Variants in SEMA6B observed in about 807,000 individuals in gnomAD.
The protein encoded by SEMA6B is semaphorin 6B.
Under a neutral mutation model 78.6 loss-of-function variants are expected in SEMA6B, and 47 were observed. The observed-to-expected ratio is 0.60, with a 90% CI of 0.47 to 0.76. SEMA6B has a LOEUF of 0.76. SEMA6B is among the 30% of genes least tolerant of loss of function. The pLI is 0.00. For missense variants in SEMA6B, 1,213 were observed against 1,269.9 expected (o/e 0.96, Z 0.68); for synonymous variants, 632 against 592.2 (o/e 1.07, Z -0.98).
chr19:4,551,161 C>T (rs1341113652), intron 10 of SEMA6B, among the ~76,000 whole-genome samples: 1 of 151,844 alleles, frequency 6.6e-6, no homozygotes, highest in East Asian at 1.9e-4. Context: ...GCCCCCATCC[C>T]TGTTTAACTG....
chr19:4,546,342 T>C, intron 15 of SEMA6B, 50 bp downstream of exon 15: 1 of 1,595,382 alleles, frequency 6.3e-7, no homozygotes, highest in South Asian at 1.1e-5. Context: ...GGATCTGGGA[T>C]CATGGGCGGG....
intron 15 of SEMA6B, 52 bp from the exon 16 acceptor site, chr19:4,546,326 TC>T: frequency 1.2e-6 from 2 of 1,604,170 alleles, no homozygotes; most frequent in Non-Finnish European, 1.7e-6. Context: ...CAGTCAGAGA[TC>T]AGGGGGATCT....
At position 4,557,015 on chromosome 19, in the gene SEMA6B, T is replaced by G; in HGVS notation, c.307-2A>C. The G allele has an allele frequency of 1.2e-6, 2 of 1,612,848 alleles. No homozygotes were observed. Among genetic ancestry groups the G allele is most frequent in the Non-Finnish European group, 1.7e-6 (2 of 1,179,404 alleles). On this transcript the variant is annotated splice_acceptor_variant, in intron 4 of 16. Transcript: ENST00000586582. LOFTEE classifies it high-confidence loss of function. ...GGGGTTAGATCTCCAGGTCAGCTTCTGCAGACAGAGAGAGCTGGTGAGGGG... is the reference window on the plus strand; with the variant it reads ...GGGGTTAGATCTCCAGGTCAGCTTCGGCAGACAGAGAGAGCTGGTGAGGGG...
rs540853448 is a variant in SEMA6B at position 4,544,215 on chromosome 19, T to C, written c.2053A>G (p.Met685Val). The change falls in exon 17 of 17, where the codon ATG becomes GTG. Residue 685 changes from methionine to valine, a missense_variant. Met to Val is a conservative substitution (Grantham distance 21). Coordinates refer to ENST00000586582, the MANE Select transcript of SEMA6B (RefSeq NM_032108.4). This position sits in a 1 kb window ranked among gnomAD's most constrained non-coding sequence, Gnocchi z 5.1. ...VPPEALLAPLMQNGWAKATLL... is the reference protein window; with the variant it reads ...VPPEALLAPLVQNGWAKATLL... ...GTGGCCTTGGCCCAGCCGTTCTGCATCAGGGGCGCCAGCAGGGCCTCCGGG... is the reference window on the plus strand; with the variant it reads ...GTGGCCTTGGCCCAGCCGTTCTGCACCAGGGGCGCCAGCAGGGCCTCCGGG... 2,358 of 1,274,816 alleles carry C rather than the reference T, an allele frequency of 1.8e-3. 4 individuals are homozygous for C. The highest frequency in any genetic ancestry group is 2.2e-3 in the Non-Finnish European group (2,186 of 1,013,204). The allele number at this position is 1,274,816 out of a possible 1,614,324, so 79.0% of individuals were successfully genotyped here. A position where few individuals can be genotyped will look rare whatever the true frequency, so the allele number is the denominator to read the frequency against.
rs1362047331 is a variant in SEMA6B at position 4,558,600 on chromosome 19, GATA to G, written c.-32-114_-32-112del. 9 of 510,072 alleles carry G rather than the reference GATA, an allele frequency of 1.8e-5. No homozygotes were observed. Among genetic ancestry groups the G allele is most frequent in the Non-Finnish European group, 2.7e-5 (9 of 329,174 alleles). The allele number at this position is 510,072 out of a possible 1,614,324, so 31.6% of individuals were successfully genotyped here. ...AAATCCCAGAAAAATTCCTCACGGG[GATA>G]ATAATTAATAAAAACAATAATGGCA... On this transcript the variant is annotated intron_variant, in intron 1 of 16. Transcript: ENST00000586582. The surrounding 1 kb of genome is among the most constrained non-coding windows in gnomAD (Gnocchi z 5.1).
intron 12 of SEMA6B, 70 bp from the exon 13 acceptor site, chr19:4,548,515 A>G (rs917936938): frequency 7.0e-7 from 1 of 1,419,924 alleles, no homozygotes; most frequent in Non-Finnish European, 9.7e-7. Flanking sequence ...GGGCATGGCC[A>G]TAGTTACACG....
intron 14 of SEMA6B, 30 bp downstream of exon 14, chr19:4,547,997 G>A (rs749387535): frequency 8.6e-6 from 13 of 1,514,208 alleles, no homozygotes; most frequent in South Asian, 7.6e-5. Context: ...CTTGCTTCCC[G>A]CCCACGGCTG....
rs1207024149 is a variant in SEMA6B at position 4,548,094 on chromosome 19, C to A, written c.1534G>T (p.Ala512Ser). The A allele has an allele frequency of 1.9e-6, 3 of 1,591,328 alleles. No homozygotes were observed. The highest frequency in any genetic ancestry group is 1.3e-5 in the African/African-American group (1 of 74,766). ...ELDAASGGLL[A>S]AFPRCVVRVP... ...CGGACCACGCAGCGGGGGAAGGCAG[C>A]CAGCAGGCCCCCCGAAGCTGCGTCC... The change falls in exon 14 of 17, where the codon GCT becomes TCT. Residue 512 changes from alanine to serine, a missense_variant. By Grantham distance (99) the Ala-to-Ser change is moderately conservative. Transcript: ENST00000586582.
Position 4,542,620 on chromosome 19 carries a change from G to A in SEMA6B, c.*981C>T, listed in dbSNP as rs571595498. On this transcript the variant is annotated 3_prime_UTR_variant, in exon 17 of 17. Transcript: ENST00000586582. Reference sequence around the variant, plus strand: ...GTTGTAAACAGAGTTTTATTGATGGGGAGGGGGCTGGGGGAGGCAAACTCC... The same window carrying A: ...GTTGTAAACAGAGTTTTATTGATGGAGAGGGGGCTGGGGGAGGCAAACTCC... The A allele has an allele frequency of 4.7e-4, 247 of 526,468 alleles. 1 individual carries two copies. The highest frequency in any genetic ancestry group is 4.4e-3 in the African/African-American group (233 of 52,482). The allele number at this position is 526,468 out of a possible 1,614,324, so 32.6% of individuals were successfully genotyped here.
chr19:4,551,142 C>T (rs1009547605), intron 10 of SEMA6B, among the ~76,000 whole-genome samples: 1 of 152,036 alleles, frequency 6.6e-6, no homozygotes, highest in African/African-American at 2.4e-5. Flanking sequence ...CGAGGCCACC[C>T]CTGTCCAGGC....
Position 4,542,721 on chromosome 19 carries a change from G to T in SEMA6B, c.*880C>A, listed in dbSNP as rs1284896221. On this transcript the variant is annotated 3_prime_UTR_variant, in exon 17 of 17. Coordinates refer to ENST00000586582, the MANE Select transcript of SEMA6B (RefSeq NM_032108.4). Reference sequence around the variant, plus strand: ...GGTCAGAGGGGGGAGGTCACAAGGGGACGGGTGGCATGGGACTCTCTCACC... The same window carrying T: ...GGTCAGAGGGGGGAGGTCACAAGGGTACGGGTGGCATGGGACTCTCTCACC... The T allele has an allele frequency of 2.9e-6, 2 of 688,696 alleles. No individual in the cohort carries two copies. The highest frequency in any genetic ancestry group is 1.8e-5 in the African/African-American group (1 of 56,920). The allele number at this position is 688,696 out of a possible 1,614,324, so 42.7% of individuals were successfully genotyped here. A position where few individuals can be genotyped will look rare whatever the true frequency, so the allele number is the denominator to read the frequency against.
chr19:4,553,912 A>G (rs976408968), intron 9 of SEMA6B, among the ~76,000 whole-genome samples: 3 of 150,978 alleles, frequency 2.0e-5, no homozygotes, highest in African/African-American at 7.3e-5. Context: ...TGGCTAGATG[A>G]ATCGATGGGT....
Position 4,552,737 on chromosome 19 carries a change from G to C in SEMA6B, c.772-98C>G. On this transcript the variant is annotated intron_variant, in intron 9 of 16. Transcript: ENST00000586582. This position sits in a 1 kb window ranked among gnomAD's most constrained non-coding sequence, Gnocchi z 7.4. ...TCACCACCCAAACTGTGATGGAGGA[G>C]TCTGACCCTGGCTCTGGTGGGACCC... The C allele has an allele frequency of 1.7e-6, 2 of 1,180,814 alleles. No homozygotes were observed. Among genetic ancestry groups the C allele is most frequent in the African/African-American group, 3.1e-5 (2 of 65,322 alleles). 73.1% of individuals were successfully genotyped at this position (1,180,814 alleles called of 1,614,324 possible). A position where few individuals can be genotyped will look rare whatever the true frequency, so the allele number is the denominator to read the frequency against.
chr19:4,544,385 C>G lies in SEMA6B; in HGVS notation c.1883G>C (p.Arg628Pro). 5.6e-6 allele frequency: 9 copies of G among 1,595,394 alleles called. No homozygotes were observed. The highest frequency in any genetic ancestry group is 7.7e-6 in the Non-Finnish European group (9 of 1,172,884). ...CTTGTCCTTGCGCCGGGCCAGCTCC[C>G]GCCGCTCACGGAGGCCCACGAACCA... The part of the protein sequence containing the change: ...VGWFVGLRER[R>P]ELARRKDKEA... The change falls in exon 17 of 17, where the codon CGG becomes CCG. Residue 628 changes from arginine (R) to proline (P), a missense_variant. Coordinates refer to ENST00000586582, the MANE Select transcript of SEMA6B (RefSeq NM_032108.4). The surrounding 1 kb of genome is among the most constrained non-coding windows in gnomAD (Gnocchi z 5.1).
intron 16 of SEMA6B, 135 bp downstream of exon 16, chr19:4,546,081 C>A (rs1447006327): frequency 8.3e-6 from 8 of 967,214 alleles, no homozygotes. Flanking sequence ...CACCCCATGC[C>A]TTTCTAAAGT....
Position 4,558,418 on chromosome 19 carries a change from G to C in SEMA6B, c.40C>G (p.Leu14Val). 2 of 1,264,414 alleles carry C rather than the reference G, an allele frequency of 1.6e-6. No homozygotes were observed. Among genetic ancestry groups the C allele is most frequent in the Non-Finnish European group, 2.0e-6 (2 of 997,444 alleles). 78.3% of individuals were successfully genotyped at this position (1,264,414 alleles called of 1,614,324 possible). A position where few individuals can be genotyped will look rare whatever the true frequency, so the allele number is the denominator to read the frequency against. ...PRASPPRPAL[L>V]LLLLLLGGAH... Reference sequence around the variant, plus strand: ...CCCCCCAGTAGCAGCAGCAGAAGCAGCAGGGCCGGGCGGGGAGGGGACGCT... The same window carrying C: ...CCCCCCAGTAGCAGCAGCAGAAGCACCAGGGCCGGGCGGGGAGGGGACGCT... Residue 14 changes from leucine (L) to valine (V), a missense_variant, in exon 2 of 17, where the codon CTG (leucine) becomes GTG (valine). Leu to Val is a conservative substitution (Grantham distance 32). Coordinates refer to ENST00000586582, the MANE Select transcript of SEMA6B (RefSeq NM_032108.4). This position sits in a 1 kb window ranked among gnomAD's most constrained non-coding sequence, Gnocchi z 5.1.
chr19:4,558,366 G>C lies in SEMA6B; in HGVS notation c.92C>G (p.Pro31Arg). Residue 31 changes from proline to arginine, a missense_variant, in exon 2 of 17, where the codon CCG becomes CGG. Pro to Arg is a moderately radical substitution (Grantham distance 103). Transcript: ENST00000586582. The surrounding 1 kb of genome is among the most constrained non-coding windows in gnomAD (Gnocchi z 5.1). ...CCTGGGGGCCACGCTAAGCGGCGGC[G>C]GCTCCTCAGGAAAGAGGCCGTGGGC... Reference protein sequence around the residue: ...GGAHGLFPEEPPPLSVAPRDY... With the variant: ...GGAHGLFPEERPPLSVAPRDY... 1 of 1,295,820 alleles carries C rather than the reference G, an allele frequency of 7.7e-7. No homozygotes were observed. Among genetic ancestry groups the C allele is most frequent in the Non-Finnish European group, 9.9e-7 (1 of 1,013,308 alleles). The allele number at this position is 1,295,820 out of a possible 1,614,324, so 80.3% of individuals were successfully genotyped here. A position where few individuals can be genotyped will look rare whatever the true frequency, so the allele number is the denominator to read the frequency against.
chr19:4,556,781 T>C (rs1012960971), intron 5 of SEMA6B, among the ~76,000 whole-genome samples, 170 bp downstream of exon 5: 4 of 142,454 alleles, frequency 2.8e-5, no homozygotes, highest in East Asian at 2.2e-4. Context: ...GCCATGGCTG[T>C]TTGGGGGTGT....
chr19:4,554,338 T>C lies in SEMA6B; in HGVS notation c.771+50A>G. 2.8e-6 allele frequency: 4 copies of C among 1,444,448 alleles called. No homozygotes were observed. The East Asian group carries it at 9.1e-5, about 33-fold the overall frequency. The allele number at this position is 1,444,448 out of a possible 1,614,324, so 89.5% of individuals were successfully genotyped here. A position where few individuals can be genotyped will look rare whatever the true frequency, so the allele number is the denominator to read the frequency against. On this transcript the variant is annotated intron_variant, in intron 9 of 16. Coordinates refer to ENST00000586582, the MANE Select transcript of SEMA6B (RefSeq NM_032108.4). ...CATGGATCCACCTCTGCCCCCTCAC[T>C]TCGCATGATCAGAGCCTCTCAACTT...
Sources: allele counts gnomAD v4.1 joint callset (sites outside exome capture counted in the v4.1 genomes callset), GRCh38; gene constraint gnomAD v4.1.1; non-coding constraint Gnocchi (gnomAD v3.1); transcripts MANE v1.5; gene names NCBI Gene and HGNC (gene_info 2026-07-23, HGNC 2026-07-21).